The following TECPR2 variants were observed in gnomAD, a reference collection of about 807,000 sequenced individuals.
The protein encoded by TECPR2 is tectonin beta-propeller repeat-containing protein 2.
TECPR2 carries 65 observed loss-of-function variants against 138.1 expected under a neutral mutation model. That is an observed-to-expected ratio of 0.47 (90% CI 0.39 to 0.58). The LOEUF (loss-of-function observed/expected upper bound fraction) is 0.58, where lower values mean the gene tolerates loss of function less well. TECPR2 is among the 20% of genes least tolerant of loss of function. The pLI is 0.00. For missense variants in TECPR2, 1,553 were observed against 1,824.5 expected (o/e 0.85, Z 2.71); for synonymous variants, 746 against 749.8 (o/e 0.99, Z 0.08).
In TECPR2 at chr14:102,434,238, G is replaced by A; in HGVS notation, c.1421G>A (p.Gly474Asp). 1.5e-6 allele frequency: 2 copies of A among 1,367,214 alleles called. No homozygotes were observed. Among genetic ancestry groups the A allele is most frequent in the Non-Finnish European group, 1.9e-6 (2 of 1,053,496 alleles). The allele number at this position is 1,367,214 out of a possible 1,614,324, so 84.7% of individuals were successfully genotyped here. The part of the protein sequence containing the change: ...KRKKKKKKTE[G>D]GSRSTCHSSL... ...GAATGTTCTTATTCTGAATTAGAAG[G>A]TGGAAGCAGGAGCACCTGTCACAGC... The change falls in exon 9 of 20, where the codon GGT becomes GAT. Residue 474 changes from glycine to aspartate, a missense_variant. Transcript: ENST00000359520.
chr14:102,411,698 TCAAAAAAAAAA>T (rs1349749996), intron 4 of TECPR2, among the ~76,000 whole-genome samples: 1 of 9,670 alleles, frequency 1.0e-4, no homozygotes, highest in Non-Finnish European at 1.9e-4. Flanking sequence ...GCCATGTTGC[TCAAAAAAAAAA>T]AAAAAAAAAA....
At chr14:102,375,437 G>A (rs1310201802) in intron 1 of TECPR2, among the ~76,000 whole-genome samples, 1 of 152,102 alleles carries the variant, frequency 6.6e-6, no homozygotes, top group Non-Finnish European at 1.5e-5. Flanking sequence ...AATCAAGTAC[G>A]GCCTCATGAA....
In TECPR2 at chr14:102,498,369, GC is replaced by G; in HGVS notation, c.*114del. 1 of 1,343,738 alleles carries G rather than the reference GC, an allele frequency of 7.4e-7. No homozygotes were observed. Among genetic ancestry groups the G allele is most frequent in the Non-Finnish European group, 9.9e-7 (1 of 1,006,152 alleles). 83.2% of individuals were successfully genotyped at this position (1,343,738 alleles called of 1,614,324 possible). The stretch of plus-strand genomic sequence containing the variant: ...CTCAACACTTGTCCAGACACCTCTG[GC>G]CAGGTTGGACCCGCACACTTACTTT... On this transcript the variant is annotated 3_prime_UTR_variant, in exon 20 of 20. Coordinates refer to ENST00000359520, the MANE Select transcript of TECPR2 (RefSeq NM_014844.5).
chr14:102,390,582 C>T (rs1443054656), intron 2 of TECPR2, among the ~76,000 whole-genome samples: 1 of 152,034 alleles, frequency 6.6e-6, no homozygotes, highest in Non-Finnish European at 1.5e-5. Flanking sequence ...TTAGGAAAAC[C>T]AGAAATTGGG....
chr14:102,434,595 A>G lies in TECPR2; in HGVS notation c.1778A>G (p.Asp593Gly). The change falls in exon 9 of 20, where the codon GAT becomes GGT. Residue 593 changes from aspartate (D) to glycine (G), a missense_variant. Transcript: ENST00000359520. ...NGAREDVGGS[D>G]VTGLGDEPCP... ...GCGAGGGAAGATGTGGGAGGCAGTG[A>G]TGTCACGGGACTCGGAGATGAGCCG... 1 of 1,565,834 alleles carries G rather than the reference A, an allele frequency of 6.4e-7. No homozygotes were observed. The highest frequency in any genetic ancestry group is 8.7e-7 in the Non-Finnish European group (1 of 1,151,366).
chr14:102,440,512 G>T lies in TECPR2; in HGVS notation c.2655G>T (p.Arg885=), dbSNP rs200100396. 78 of 1,614,200 alleles carry T rather than the reference G, an allele frequency of 4.8e-5. No individual in the cohort carries two copies. The highest frequency in any genetic ancestry group is 6.4e-5 in the Non-Finnish European group (76 of 1,180,048). ...ACGKVTIKGK[R]HWYEALPQAV... is the part of the protein sequence containing the mutation. ...GGAAAGTCACCATCAAGGGGAAGCG[G>T]CACTGGTACGAAGCCCTGCCCCAGG... is the stretch of plus-strand genomic sequence containing the variant. The change falls in exon 11 of 20, where the codon CGG becomes CGT. Residue 885 remains arginine (R), a synonymous_variant. Coordinates refer to ENST00000359520, the MANE Select transcript of TECPR2 (RefSeq NM_014844.5).
chr14:102,474,781 C>T (rs886529412), intron 17 of TECPR2, among the ~76,000 whole-genome samples: 6 of 152,096 alleles, frequency 3.9e-5, no homozygotes, highest in African/African-American at 1.2e-4. Flanking sequence ...CTTTCTTCTC[C>T]GAGGCACGTC....
chr14:102,396,163 C>T (rs891017027), intron 2 of TECPR2, among the ~76,000 whole-genome samples: 13 of 149,340 alleles, frequency 8.7e-5, no homozygotes, highest in Non-Finnish European at 1.2e-4. Flanking sequence ...AGTGCAGTGG[C>T]GCGATCTCAG....
chr14:102,393,623 A>G (rs1475017136), intron 2 of TECPR2, among the ~76,000 whole-genome samples: 1 of 152,038 alleles, frequency 6.6e-6, no homozygotes, highest in Non-Finnish European at 1.5e-5. Context: ...CAGTGGCATG[A>G]TCTTGGCTCA....
intron 2 of TECPR2, among the ~76,000 whole-genome samples, chr14:102,377,376 T>C (rs1163842291): frequency 1.3e-5 from 2 of 152,154 alleles, no homozygotes; most frequent in African/African-American, 4.8e-5. Context: ...CCCAGGCTGG[T>C]CTTGAACTCC....
At chr14:102,363,159 C>T (rs995479301) in intron 1 of TECPR2, 43 bp downstream of exon 1, 6 of 343,764 alleles carry the variant, frequency 1.7e-5, no homozygotes, top group African/African-American at 1.1e-4. Context: ...GCCCCCGACG[C>T]CCCCGACGCC....
chr14:102,487,989 G>A (rs914710309), intron 17 of TECPR2, among the ~76,000 whole-genome samples: 2 of 150,570 alleles, frequency 1.3e-5, no homozygotes, highest in Admixed American at 6.6e-5. Flanking sequence ...TTACAGGCAT[G>A]AGCCACCACA....
At chr14:102,439,038 A>AT (rs1166876813) in intron 10 of TECPR2, among the ~76,000 whole-genome samples, 1 of 150,612 alleles carries the variant, frequency 6.6e-6, no homozygotes, top group Non-Finnish European at 1.5e-5. Context: ...ATTTTTTTGT[A>AT]TTTTTTTAGT....
At chr14:102,393,994 A>G (rs753399280) in intron 2 of TECPR2, among the ~76,000 whole-genome samples, 10 of 152,208 alleles carry the variant, frequency 6.6e-5, no homozygotes, top group Non-Finnish European at 1.5e-4. Flanking sequence ...ATAAATTTCT[A>G]AGGAAAATAT....
intron 4 of TECPR2, among the ~76,000 whole-genome samples, chr14:102,412,921 C>T (rs1051619292): frequency 2.6e-5 from 4 of 152,014 alleles, no homozygotes; most frequent in Non-Finnish European, 4.4e-5. Flanking sequence ...ATGGCAAAAC[C>T]CCATTTCTAC....
At chr14:102,427,648 C>T (rs114364981) in intron 6 of TECPR2, among the ~76,000 whole-genome samples, 6,241 of 152,260 alleles carry the variant, frequency 0.041, 146 homozygotes, top group Middle Eastern at 0.086. Context: ...CCTCCCCTCC[C>T]TTCATGTATT....
chr14:102,445,405 CAG>C (rs1256363926), intron 12 of TECPR2, among the ~76,000 whole-genome samples: 2 of 150,106 alleles, frequency 1.3e-5, no homozygotes, highest in African/African-American at 4.9e-5. Flanking sequence ...TGGAGGCACT[CAG>C]GGGCCTTGGA....
chr14:102,474,757 G>A (rs1183106624), intron 17 of TECPR2, among the ~76,000 whole-genome samples: 1 of 152,082 alleles, frequency 6.6e-6, no homozygotes, highest in Admixed American at 6.6e-5. Flanking sequence ...ATCTTTTGTG[G>A]GTCAGTGAGC....
intron 1 of TECPR2, among the ~76,000 whole-genome samples, chr14:102,363,909 C>T (rs776966787): frequency 6.6e-6 from 1 of 152,236 alleles, no homozygotes; most frequent in African/African-American, 2.4e-5. Context: ...CCTGCGTTCT[C>T]GCCCTCTAGT....
Sources: allele counts gnomAD v4.1 joint callset (sites outside exome capture counted in the v4.1 genomes callset), GRCh38; gene constraint gnomAD v4.1.1; transcripts MANE v1.5; gene names NCBI Gene and HGNC (gene_info 2026-07-23, HGNC 2026-07-21).